KLHL5: variants seen among roughly 807,000 people sequenced by gnomAD.
KLHL5 encodes kelch like family member 5, also known as kelch-like protein 5.
In KLHL5, 48 loss-of-function variants were observed where a neutral mutation model predicts 77.7. The ratio of observed to expected loss-of-function variants is 0.62; its 90% confidence interval spans 0.49 to 0.79. The LOEUF is 0.79. Ranked by LOEUF, KLHL5 falls within the 30% of genes least tolerant of loss-of-function variation. The pLI, the probability that KLHL5 is intolerant of heterozygous loss-of-function variation, is 0.00. For missense variants in KLHL5, 723 were observed against 859.7 expected (o/e 0.84, Z 1.99); for synonymous variants, 260 against 297.0 (o/e 0.88, Z 1.28).
the KLHL5 span, among the ~76,000 whole-genome samples, chr4:39,137,196 TAGAAAGATAA>T: frequency 6.6e-6 from 1 of 151,652 alleles, no homozygotes; most frequent in African/African-American, 2.4e-5. Context: ...TGTGTGTGTA[TAGAAAGATAA>T]GTAGACAGAT....
At chr4:39,136,539 A>T in the KLHL5 span, among the ~76,000 whole-genome samples, 1 of 151,090 alleles carries the variant, frequency 6.6e-6, no homozygotes, top group East Asian at 2.0e-4. Context: ...GAGAGGACTC[A>T]TGGTGACCCA....
chr4:39,099,142 G>A lies in KLHL5; in HGVS notation c.1300+2264G>A, dbSNP rs988313271. Among the ~76,000 whole-genome samples the A allele has an allele frequency of 1.4e-4, 22 of 152,150 alleles. 1 individual carries two copies. The highest frequency in any genetic ancestry group is 3.4e-3 in the Middle Eastern group (1 of 294). ...TACTAAAAAATACCAAAAAAAATTA[G>A]CCAGGCATGGTGGCAGGTGCCTGTA... is the stretch of plus-strand genomic sequence containing the variant. On this transcript the variant is annotated intron_variant, in intron 6 of 10. Coordinates refer to ENST00000504108, the MANE Select transcript of KLHL5 (RefSeq NM_015990.5).
chr4:39,066,231 A>T (rs571416703), intron 1 of KLHL5, among the ~76,000 whole-genome samples: 1 of 152,190 alleles, frequency 6.6e-6, no homozygotes, highest in Non-Finnish European at 1.5e-5. Context: ...GTCACCTTTT[A>T]TGTGAGCAAT....
chr4:39,052,087 AT>A, intron 1 of KLHL5, among the ~76,000 whole-genome samples: 1 of 151,786 alleles, frequency 6.6e-6, no homozygotes, highest in African/African-American at 2.4e-5. Flanking sequence ...GCTTATTTTG[AT>A]GTAGTGTTTT....
chr4:39,113,462 T>C (rs1443010473), intron 9 of KLHL5, among the ~76,000 whole-genome samples: 1 of 152,220 alleles, frequency 6.6e-6, no homozygotes, highest in African/African-American at 2.4e-5. Context: ...ATATGGGATA[T>C]TGGACCTAAT....
At chr4:39,133,030 C>A in the KLHL5 span, among the ~76,000 whole-genome samples, 1 of 148,476 alleles carries the variant, frequency 6.7e-6, no homozygotes, top group Non-Finnish European at 1.5e-5. Context: ...CACATCTGCA[C>A]ACTGGTGACA....
the KLHL5 span, among the ~76,000 whole-genome samples, chr4:39,139,205 C>T: frequency 6.6e-6 from 1 of 151,424 alleles, no homozygotes; most frequent in Non-Finnish European, 1.5e-5. Flanking sequence ...TTGCTTGAAT[C>T]CAGGAGACGG....
intron 6 of KLHL5, 64 bp downstream of exon 6, chr4:39,096,942 A>G (rs559561922): frequency 4.5e-6 from 6 of 1,337,666 alleles, no homozygotes; most frequent in African/African-American, 2.9e-5. Context: ...ATAAGTGTAT[A>G]TATGGCCAAA....
At chr4:39,063,993 TTTGA>T (rs1416718280) in intron 1 of KLHL5, among the ~76,000 whole-genome samples, 2 of 152,166 alleles carry the variant, frequency 1.3e-5, no homozygotes, top group African/African-American at 4.8e-5. Context: ...ATTTGTCTAA[TTTGA>T]TTATTATATT....
In KLHL5 at chr4:39,062,413, GCT is replaced by G; in HGVS notation, c.-237_-236del. On this transcript the variant is annotated 5_prime_UTR_variant, in exon 1 of 11. An upstream open reading frame in the 5' UTR gains an earlier in-frame stop. Transcript: ENST00000504108. ...CTTCAGGATAGGTGGATGAGAGTTTGCTCTGATTGAACGGAATGTTCCACCGT... is the reference window on the plus strand; with the variant it reads ...CTTCAGGATAGGTGGATGAGAGTTTGCTGATTGAACGGAATGTTCCACCGT... The G allele has an allele frequency of 1.3e-6, 2 of 1,483,430 alleles. No homozygotes were observed. Among genetic ancestry groups the G allele is most frequent in the Non-Finnish European group, 1.8e-6 (2 of 1,124,798 alleles). The allele number at this position is 1,483,430 out of a possible 1,614,324, so 91.9% of individuals were successfully genotyped here.
chr4:39,056,460 A>C (rs1287769794), intron 1 of KLHL5, among the ~76,000 whole-genome samples: 1 of 152,212 alleles, frequency 6.6e-6, no homozygotes, highest in African/African-American at 2.4e-5. Flanking sequence ...AGTATTTCCC[A>C]GTTGTTTTTA....
downstream of KLHL5, among the ~76,000 whole-genome samples, chr4:39,127,269 TGAC>T (rs1723593600): frequency 6.6e-6 from 1 of 151,610 alleles, no homozygotes; most frequent in Admixed American, 6.6e-5. Context: ...TGCAGTGAGC[TGAC>T]ATTGCACCAC....
At chr4:39,112,759 C>A in intron 8 of KLHL5, 1 of 411,922 alleles carries the variant, frequency 2.4e-6, no homozygotes. Flanking sequence ...GGTGACTTGT[C>A]AAAGAGATGG....
chr4:39,084,009 T>C (rs1719840098), intron 4 of KLHL5, among the ~76,000 whole-genome samples: 3 of 152,222 alleles, frequency 2.0e-5, no homozygotes, highest in Admixed American at 6.5e-5. Flanking sequence ...ATTTGAATTG[T>C]TGCTATGGGA....
At chr4:39,074,612 TAGC>T (rs1448408208) in intron 1 of KLHL5, among the ~76,000 whole-genome samples, 4 of 152,308 alleles carry the variant, frequency 2.6e-5, no homozygotes, top group Non-Finnish European at 5.9e-5. Context: ...GGTGAACACA[TAGC>T]AGTTTCTGTG....
Position 39,119,253 on chromosome 4 carries a change from C to T in KLHL5, c.2074-1757C>T, listed in dbSNP as rs147432385. ...CAAGCCACCTCTCTATGTTAAAGCA[C>T]CTAAAAATGTGAACTCGTTATCATA... On this transcript the variant is annotated intron_variant, in intron 10 of 10. Transcript: ENST00000504108. 1.5e-3 allele frequency among the ~76,000 whole-genome samples: 229 copies of T among 152,184 alleles called. 1 individual carries two copies. Among genetic ancestry groups the T allele is most frequent in the African/African-American group, 5.2e-3 (215 of 41,534 alleles).
chr4:39,058,320 C>T (rs1475508147), upstream of KLHL5, among the ~76,000 whole-genome samples: 1 of 152,040 alleles, frequency 6.6e-6, no homozygotes, highest in Non-Finnish European at 1.5e-5. Context: ...GATTTTTCTC[C>T]TAAGTTGAAA....
chr4:39,082,083 A>C lies in KLHL5; in HGVS notation c.824A>C (p.Asn275Thr). 2 of 1,613,990 alleles carry C rather than the reference A, an allele frequency of 1.2e-6. No homozygotes were observed. Among genetic ancestry groups the C allele is most frequent in the South Asian group, 1.1e-5 (1 of 91,056 alleles). The change falls in exon 4 of 11, where the codon AAC becomes ACC. Residue 275 changes from asparagine to threonine, a missense_variant. Asn to Thr is a moderately conservative substitution (Grantham distance 65). Transcript: ENST00000504108. ...TTAATGAAACAGCTTCATCCATCCA[A>C]CTGTCTTGGAATTCGTTCTTTTGCT... Reference protein sequence around the residue: ...KFLMKQLHPSNCLGIRSFADA... With the variant: ...KFLMKQLHPSTCLGIRSFADA...
the KLHL5 span, among the ~76,000 whole-genome samples, chr4:39,134,324 G>A: frequency 7.2e-5 from 11 of 152,200 alleles, no homozygotes; most frequent in African/African-American, 2.7e-4. Flanking sequence ...GAGTCAACTT[G>A]ATATGTGACA....
Sources: gnomAD v4.1 joint callset for allele counts (sites outside exome capture counted in the v4.1 genomes callset) on GRCh38, gnomAD v4.1.1 for gene constraint, MANE v1.5 for transcripts, NCBI Gene and HGNC (gene_info 2026-07-23, HGNC 2026-07-21) for gene names.